The following DIAPH2 variants were observed in gnomAD, a reference collection of about 807,000 sequenced individuals.
DIAPH2 encodes the protein diaphanous related formin 2, also known as protein diaphanous homolog 2.
In DIAPH2, 35 loss-of-function variants were observed where a neutral mutation model predicts 92.7. The observed-to-expected ratio is 0.38, with a 90% CI of 0.29 to 0.50. DIAPH2 has a LOEUF of 0.50. Among genes scored for constraint, DIAPH2 ranks in the 20% least tolerant of loss-of-function variants. The pLI is 0.94. For synonymous variants in DIAPH2, 301 were observed against 280.4 expected, an observed-to-expected ratio of 1.07 and a Z score of -0.73; for missense variants, 701 against 819.5, an observed-to-expected ratio of 0.86 and a Z score of 1.77.
chrX:97,573,421 G>C (rs1249177708), intron 26 of DIAPH2, among the ~76,000 whole-genome samples: 3 of 110,726 alleles, frequency 2.7e-5, no homozygotes, highest in Non-Finnish European at 3.8e-5. Flanking sequence ...GGAAGAAAAG[G>C]GAGAGATGTA....
At chrX:97,496,572 T>G (rs2070759983) in intron 26 of DIAPH2, among the ~76,000 whole-genome samples, 2 of 111,372 alleles carry the variant, frequency 1.8e-5, no homozygotes, top group Non-Finnish European at 3.8e-5. Context: ...ACACAATGAA[T>G]GAATGAATAT....
intron 23 of DIAPH2, among the ~76,000 whole-genome samples, chrX:97,284,763 TAGAGAG>T (rs199752398): frequency 4.6e-5 from 5 of 109,660 alleles, no homozygotes; most frequent in African/African-American, 1.6e-4. Context: ...TATTTGGAGT[TAGAGAG>T]AGAGAGAGAA....
At chrX:97,583,878 C>T (rs1029425557) in intron 26 of DIAPH2, among the ~76,000 whole-genome samples, 32 of 111,597 alleles carry the variant, frequency 2.9e-4, no homozygotes, top group Non-Finnish European at 5.3e-4. Context: ...TCTCGTGGTG[C>T]GCCATTTTTT....
chrX:97,480,740 G>A (rs1016778543), intron 26 of DIAPH2, among the ~76,000 whole-genome samples: 1 of 110,606 alleles, frequency 9.0e-6, no homozygotes, highest in Non-Finnish European at 1.9e-5. Flanking sequence ...AATTATTACC[G>A]ATCCCTTGAG....
chrX:96,766,765 G>A (rs5949457), intron 4 of DIAPH2, among the ~76,000 whole-genome samples: 6,459 of 112,173 alleles, frequency 0.058, 208 homozygotes, highest in Middle Eastern at 0.16. Context: ...AGGTCGGCAT[G>A]GGCCTGTTTT....
In DIAPH2 at chrX:96,715,148, C is replaced by T. The variant is rs111282664; in HGVS notation, c.133-20610C>T. Among the ~76,000 whole-genome samples, 905 of 111,893 alleles carry T rather than the reference C, an allele frequency of 8.1e-3. 8 individuals carry two copies. Among genetic ancestry groups the T allele is most frequent in the African/African-American group, 0.028 (867 of 30,802 alleles). On this transcript the variant is annotated intron_variant, in intron 1 of 26. Transcript: ENST00000324765. ...TTCTGTATCTTTTAAAAAATTACTA[C>T]ACTAAAACTTTGCTTGCATTCTTAT...
rs753350731 is a variant in DIAPH2, at chrX:97,191,661, G to T, written c.2719+49867G>T. ...AAAATAACCCTTAAAAACCTACAATGCATTCATTAGCATTCTGTTTATATG... is the reference window on the plus strand; with the variant it reads ...AAAATAACCCTTAAAAACCTACAATTCATTCATTAGCATTCTGTTTATATG... On this transcript the variant is annotated intron_variant, in intron 22 of 26. Coordinates refer to ENST00000324765, the MANE Select transcript of DIAPH2 (RefSeq NM_006729.5). Among the ~76,000 whole-genome samples the T allele has an allele frequency of 4.5e-5, 5 of 112,089 alleles. No homozygotes were observed. The South Asian group carries it at 1.1e-3, about 25-fold the overall frequency.
chrX:97,194,467 G>T (rs902178648), intron 22 of DIAPH2, among the ~76,000 whole-genome samples: 3 of 109,778 alleles, frequency 2.7e-5, no homozygotes, highest in South Asian at 4.0e-4. Flanking sequence ...TGTATTTTTA[G>T]TAGAGACGGG....
intron 26 of DIAPH2, among the ~76,000 whole-genome samples, chrX:97,500,794 A>G (rs1439425971): frequency 1.1e-5 from 1 of 91,391 alleles, no homozygotes; most frequent in African/African-American, 4.4e-5. Context: ...ATATATATAT[A>G]TATATATATC....
chrX:96,751,779 A>G (rs3128741), intron 3 of DIAPH2, among the ~76,000 whole-genome samples: 43 of 80,632 alleles, frequency 5.3e-4, no homozygotes, highest in Non-Finnish European at 8.8e-4. Context: ...TCAGCCTCCC[A>G]AGTAGCTGGG....
intron 17 of DIAPH2, among the ~76,000 whole-genome samples, chrX:97,042,692 G>T: frequency 8.9e-6 from 1 of 111,799 alleles, no homozygotes; most frequent in Middle Eastern, 4.7e-3. Flanking sequence ...AATAATTATT[G>T]TCACTAAAGT....
chrX:97,497,669 A>G (rs1271989757), intron 26 of DIAPH2, among the ~76,000 whole-genome samples: 1 of 110,149 alleles, frequency 9.1e-6, no homozygotes, highest in African/African-American at 3.3e-5. Flanking sequence ...AGCGAGGTAT[A>G]TTGGCACATG....
chrX:97,385,796 T>G (rs1270178639), intron 25 of DIAPH2, among the ~76,000 whole-genome samples: 1 of 111,974 alleles, frequency 8.9e-6, no homozygotes. Flanking sequence ...ATTCTAGGAA[T>G]TTTACATTTA....
intron 22 of DIAPH2, among the ~76,000 whole-genome samples, chrX:97,213,914 A>T (rs190901746): frequency 8.9e-6 from 1 of 112,158 alleles, no homozygotes; most frequent in East Asian, 2.8e-4. Flanking sequence ...GCTATGGAGT[A>T]CAGTGGACAT....
At chrX:97,063,401 G>T (rs1453702234) in intron 17 of DIAPH2, among the ~76,000 whole-genome samples, 1 of 112,156 alleles carries the variant, frequency 8.9e-6, no homozygotes, top group Non-Finnish European at 1.9e-5. Context: ...TATGTCCCAA[G>T]TGAAACATTA....
chrX:96,798,649 A>G (rs1255062006), intron 4 of DIAPH2, among the ~76,000 whole-genome samples: 1 of 111,597 alleles, frequency 9.0e-6, no homozygotes, highest in Admixed American at 9.5e-5. Context: ...ATAGGATGCT[A>G]GTTATTAGAA....
At chrX:97,318,356 C>T (rs1337929128) in intron 23 of DIAPH2, among the ~76,000 whole-genome samples, 3 of 109,347 alleles carry the variant, frequency 2.7e-5, no homozygotes, top group African/African-American at 1.0e-4. Context: ...CCAGGCTGGT[C>T]TCCAACTCCT....
intron 25 of DIAPH2, among the ~76,000 whole-genome samples, chrX:97,409,768 G>T (rs1377940340): frequency 8.9e-6 from 1 of 112,422 alleles, no homozygotes. Context: ...CTTGCTTACT[G>T]CTAGCACAGC....
At chrX:97,048,491 G>C (rs1165528390) in intron 17 of DIAPH2, among the ~76,000 whole-genome samples, 1 of 111,198 alleles carries the variant, frequency 9.0e-6, no homozygotes, top group Non-Finnish European at 1.9e-5. Flanking sequence ...GTCAGTTTTC[G>C]ATTAAGGTAT....
Sources: gnomAD v4.1 joint callset for allele counts (sites outside exome capture counted in the v4.1 genomes callset) on GRCh38, gnomAD v4.1.1 for gene constraint, MANE v1.5 for transcripts, NCBI Gene and HGNC (gene_info 2026-07-23, HGNC 2026-07-21) for gene names.